Variants in KIF26B observed in about 807,000 individuals in gnomAD.
The protein encoded by KIF26B is kinesin family member 26B.
A neutral mutation model predicts 151.2 loss-of-function variants in KIF26B; 63 were observed. That is an observed-to-expected ratio of 0.42 (90% CI 0.34 to 0.51). The LOEUF (loss-of-function observed/expected upper bound fraction) is 0.51, where lower values mean the gene tolerates loss of function less well. Among genes scored for constraint, KIF26B ranks in the 20% least tolerant of loss-of-function variants. The probability of loss-of-function intolerance (pLI) is 0.07; values close to 1 mark genes in which losing one functional copy is unlikely to be tolerated. For missense variants in KIF26B, 2,813 were observed against 2,913.6 expected (o/e 0.97, Z 0.79); for synonymous variants, 1,357 against 1,262.1 (o/e 1.08, Z -1.59).
chr1:245,298,759 G>A (rs1671378311), intron 2 of KIF26B, among the ~76,000 whole-genome samples: 1 of 152,208 alleles, frequency 6.6e-6, no homozygotes, highest in Non-Finnish European at 1.5e-5. Context: ...AGCAGTGTGT[G>A]GAAAGCAGGA....
At chr1:245,671,017 T>C (rs969572249) in intron 10 of KIF26B, among the ~76,000 whole-genome samples, 2 of 152,212 alleles carry the variant, frequency 1.3e-5, no homozygotes, top group African/African-American at 2.4e-5. Flanking sequence ...TCCCAGCCTC[T>C]GGTAACCATC....
intron 4 of KIF26B, among the ~76,000 whole-genome samples, chr1:245,513,417 C>A (rs926137646): frequency 2.0e-5 from 3 of 152,048 alleles, no homozygotes; most frequent in African/African-American, 7.2e-5. Context: ...GAGAAAGAGA[C>A]AGCGAGAGAG....
At chr1:245,521,758 A>G (rs552666045) in intron 4 of KIF26B, among the ~76,000 whole-genome samples, 1 of 152,358 alleles carries the variant, frequency 6.6e-6, no homozygotes, top group African/African-American at 2.4e-5. Flanking sequence ...TAGGAAAGAT[A>G]GACATGGCTC....
At chr1:245,573,213 C>T (rs374407365) in intron 5 of KIF26B, among the ~76,000 whole-genome samples, 1 of 152,104 alleles carries the variant, frequency 6.6e-6, no homozygotes, top group Non-Finnish European at 1.5e-5. Flanking sequence ...CAAAGTTTAC[C>T]GAGGTCACAG....
At chr1:245,679,441 T>TG (rs1468941171) in intron 10 of KIF26B, among the ~76,000 whole-genome samples, 3 of 148,128 alleles carry the variant, frequency 2.0e-5, no homozygotes, top group African/African-American at 5.0e-5. Flanking sequence ...GGGTTTTTTG[T>TG]GTTTTTTTTG....
intron 4 of KIF26B, among the ~76,000 whole-genome samples, chr1:245,457,588 C>T (rs1190725904): frequency 1.3e-5 from 2 of 152,106 alleles, no homozygotes; most frequent in Non-Finnish European, 1.5e-5. Context: ...TTATCTCATC[C>T]CCCTTTCATC....
At chr1:245,524,544 A>G (rs1661194997) in intron 4 of KIF26B, among the ~76,000 whole-genome samples, 1 of 152,220 alleles carries the variant, frequency 6.6e-6, no homozygotes, top group South Asian at 2.1e-4. Flanking sequence ...GTAGGTATTC[A>G]ATCAATGTTT....
intron 2 of KIF26B, among the ~76,000 whole-genome samples, chr1:245,240,534 A>G (rs1467872550): frequency 6.6e-6 from 1 of 152,206 alleles, no homozygotes; most frequent in African/African-American, 2.4e-5. Flanking sequence ...GAATGTGGAG[A>G]AATACCACTG....
At chr1:245,216,762 G>A (rs185862627) in intron 2 of KIF26B, among the ~76,000 whole-genome samples, 2 of 152,268 alleles carry the variant, frequency 1.3e-5, no homozygotes, top group East Asian at 1.9e-4. Context: ...TGGTTCTTTC[G>A]CAAATTGGTT....
intron 3 of KIF26B, among the ~76,000 whole-genome samples, chr1:245,389,599 A>G (rs1456610187): frequency 6.6e-6 from 1 of 152,198 alleles, no homozygotes; most frequent in African/African-American, 2.4e-5. Context: ...CACTGCATAT[A>G]ACCATGTTTA....
At chr1:245,660,473 G>A (rs1332162715) in intron 10 of KIF26B, among the ~76,000 whole-genome samples, 1 of 150,908 alleles carries the variant, frequency 6.6e-6, no homozygotes, top group Admixed American at 6.6e-5. Context: ...GAGTAGCTGG[G>A]ACTACAGGTG....
chr1:245,155,570 C>CCGGCCCCGAGCT, intron 1 of KIF26B, 83 bp downstream of exon 1: 1 of 1,279,230 alleles, frequency 7.8e-7, no homozygotes, highest in Middle Eastern at 2.2e-4. Flanking sequence ...TCGTGCGGCC[C>CCGGCCCCGAGCT]CGGCCCCGAG....
rs141218228 is a variant in KIF26B at position 245,679,179 on chromosome 1, A to G, written c.2259-5054A>G. 5.5e-3 allele frequency among the ~76,000 whole-genome samples: 839 copies of G among 152,306 alleles called. 6 individuals carry two copies. Among genetic ancestry groups the G allele is most frequent in the African/African-American group, 0.019 (796 of 41,556 alleles). ...CACTCAACTCTTATTGTAGCACAAA[A>G]GTAGCCACAGACACTATGTAAACAA... is the stretch of plus-strand genomic sequence containing the variant. On this transcript the variant is annotated intron_variant, in intron 10 of 14. Coordinates refer to ENST00000407071, the MANE Select transcript of KIF26B (RefSeq NM_018012.4).
intron 10 of KIF26B, among the ~76,000 whole-genome samples, chr1:245,652,613 A>G (rs566753210): frequency 8.9e-4 from 136 of 152,318 alleles, no homozygotes; most frequent in Admixed American, 1.7e-3. Context: ...GGCTCATTAT[A>G]GAACCACGCC....
At chr1:245,308,901 A>G (rs553307342) in intron 2 of KIF26B, among the ~76,000 whole-genome samples, 5 of 152,332 alleles carry the variant, frequency 3.3e-5, no homozygotes, top group African/African-American at 1.2e-4. Flanking sequence ...GGCTGGAAGT[A>G]CCCTACAGAC....
rs869238168 is a variant in KIF26B, at chr1:245,569,927, A to ATTTTTTT, written c.1350+28997_1350+29003dup. On this transcript the variant is annotated intron_variant, in intron 5 of 14. Transcript: ENST00000407071. ...GGGAAACCTACGTTGTAAATAGAGA[A>ATTTTTTT]TTTTTTTTTTTTTTTTTTTTTTTTT... Among the ~76,000 whole-genome samples, 21 of 47,666 alleles carry ATTTTTTT rather than the reference A, an allele frequency of 4.4e-4. 5 individuals carry two copies. Among genetic ancestry groups the ATTTTTTT allele is most frequent in the African/African-American group, 1.6e-3 (19 of 11,566 alleles). The allele number at this position is 47,666 out of a possible 152,430, so 31.3% of individuals were successfully genotyped here.
At chr1:245,362,536 CAA>C (rs36022021) in intron 2 of KIF26B, among the ~76,000 whole-genome samples, 9 of 140,042 alleles carry the variant, frequency 6.4e-5, no homozygotes, top group African/African-American at 2.4e-4. Context: ...GACTCCATCT[CAA>C]AAAAAAAAAA....
chr1:245,661,986 AAAT>A (rs751335004), intron 10 of KIF26B, among the ~76,000 whole-genome samples: 1 of 147,942 alleles, frequency 6.8e-6, no homozygotes, highest in Non-Finnish European at 1.5e-5. Context: ...TCAATGACAT[AAAT>A]AATATGCACA....
chr1:245,399,843 C>T (rs1486217792), intron 3 of KIF26B, among the ~76,000 whole-genome samples: 1 of 152,140 alleles, frequency 6.6e-6, no homozygotes, highest in Admixed American at 6.5e-5. Context: ...GGCTATCATA[C>T]AGACTTAGAA....
Sources: gnomAD v4.1 joint callset for allele counts (sites outside exome capture counted in the v4.1 genomes callset) on GRCh38, gnomAD v4.1.1 for gene constraint, MANE v1.5 for transcripts, NCBI Gene and HGNC (gene_info 2026-07-23, HGNC 2026-07-21) for gene names.